The following TSPAN11 variants were observed in gnomAD, a reference collection of about 807,000 sequenced individuals.
TSPAN11 encodes the protein tetraspanin 11.
Under a neutral mutation model 32.9 loss-of-function variants are expected in TSPAN11, and 29 were observed. The observed-to-expected ratio is 0.88, with a 90% CI of 0.66 to 1.20. The LOEUF is 1.20. TSPAN11 is among the 50% of genes most tolerant of loss of function. The pLI is 0.00. For missense variants in TSPAN11, 283 were observed against 329.1 expected (o/e 0.86, Z 1.08); for synonymous variants, 140 against 141.3 (o/e 0.99, Z 0.07).
At chr12:31,015,800 ATTTG>A in the TSPAN11 span, 1 of 152,122 alleles carries the variant, frequency 6.6e-6, no homozygotes, top group East Asian at 1.9e-4. The surrounding 1 kb of genome is among the most constrained non-coding windows in gnomAD (Gnocchi z 4.9). Context: ...AACCCCCATT[ATTTG>A]TTTGACAGGC....
intron 3 of TSPAN11, among the ~76,000 whole-genome samples, chr12:30,970,113 A>G (rs995043558): frequency 6.6e-6 from 1 of 152,204 alleles, no homozygotes; most frequent in Non-Finnish European, 1.5e-5. Context: ...AGCCAATGGG[A>G]AAGTCTGGGT....
intron 3 of TSPAN11, among the ~76,000 whole-genome samples, chr12:30,972,038 C>G (rs1337405847): frequency 6.6e-6 from 1 of 152,204 alleles, no homozygotes; most frequent in African/African-American, 2.4e-5. Flanking sequence ...ACACACTGCT[C>G]CAGCTTGGCA....
At chr12:31,008,865 G>A in the TSPAN11 span, among the ~76,000 whole-genome samples, 12 of 152,166 alleles carry the variant, frequency 7.9e-5, no homozygotes, top group Non-Finnish European at 1.5e-4. Flanking sequence ...TTCCCTGTGC[G>A]CCATTCGACC....
downstream of TSPAN11, chr12:30,997,571 C>T (rs1244035150): frequency 6.6e-6 from 1 of 152,276 alleles, no homozygotes; most frequent in African/African-American, 2.4e-5. Flanking sequence ...AACCAGATCT[C>T]ATGAGAACTC....
downstream of TSPAN11, among the ~76,000 whole-genome samples, chr12:31,001,050 G>T (rs986299747): frequency 6.6e-6 from 1 of 152,150 alleles, no homozygotes; most frequent in Non-Finnish European, 1.5e-5. Context: ...TCTTCCTGCA[G>T]CCTCCCCTGT....
intron 1 of TSPAN11, among the ~76,000 whole-genome samples, chr12:30,932,310 C>T (rs1403374762): frequency 6.6e-6 from 1 of 151,878 alleles, no homozygotes; most frequent in Non-Finnish European, 1.5e-5. Context: ...ACTGTTCATC[C>T]TTATATTGTG....
intron 1 of TSPAN11, chr12:30,927,056 T>C: frequency 7.9e-7 from 1 of 1,268,790 alleles, no homozygotes; most frequent in Admixed American, 2.4e-5. Flanking sequence ...ACTATGCGCA[T>C]GAGTCTGCCT....
intron 3 of TSPAN11, among the ~76,000 whole-genome samples, chr12:30,966,521 C>T (rs945136573): frequency 3.2e-4 from 49 of 152,252 alleles, no homozygotes; most frequent in African/African-American, 1.2e-3. Context: ...GTCATATTCA[C>T]CCCCATTTTC....
the TSPAN11 span, among the ~76,000 whole-genome samples, chr12:31,004,191 C>T: frequency 1.3e-5 from 2 of 152,202 alleles, no homozygotes; most frequent in Admixed American, 1.3e-4. Context: ...TTGACTTTTT[C>T]ATAACTGCAA....
chr12:30,989,698 A>C (rs1939272392), intron 7 of TSPAN11, among the ~76,000 whole-genome samples: 1 of 152,214 alleles, frequency 6.6e-6, no homozygotes, highest in African/African-American at 2.4e-5. Context: ...AACACAAGAC[A>C]GTCAAGACTG....
chr12:30,946,630 G>A (rs1254751634), intron 1 of TSPAN11, among the ~76,000 whole-genome samples: 3 of 152,232 alleles, frequency 2.0e-5, no homozygotes, highest in African/African-American at 7.2e-5. Flanking sequence ...GATCTGGGAA[G>A]GTGGGGACAG....
At chr12:31,004,948 C>T in the TSPAN11 span, among the ~76,000 whole-genome samples, 1 of 152,224 alleles carries the variant, frequency 6.6e-6, no homozygotes, top group Non-Finnish European at 1.5e-5. Flanking sequence ...CTCCTTCCCA[C>T]TCCTCTCTCC....
chr12:30,942,244 C>A (rs965236944), intron 1 of TSPAN11, among the ~76,000 whole-genome samples: 2 of 152,232 alleles, frequency 1.3e-5, no homozygotes, highest in African/African-American at 4.8e-5. Flanking sequence ...GAAGTGCATA[C>A]TGTTCTTACA....
At chr12:30,947,386 T>C (rs1424782706) in intron 1 of TSPAN11, among the ~76,000 whole-genome samples, 1 of 152,176 alleles carries the variant, frequency 6.6e-6, no homozygotes, top group Non-Finnish European at 1.5e-5. Context: ...CCAGCCTCCC[T>C]TCCTTACAAC....
At chr12:30,967,405 T>G (rs562713902) in intron 3 of TSPAN11, among the ~76,000 whole-genome samples, 1 of 152,248 alleles carries the variant, frequency 6.6e-6, no homozygotes. Context: ...CCTACCCTTC[T>G]GCACTTCGGG....
intron 1 of TSPAN11, among the ~76,000 whole-genome samples, chr12:30,928,401 C>T (rs1239518289): frequency 6.6e-6 from 1 of 152,180 alleles, no homozygotes; most frequent in East Asian, 1.9e-4. Context: ...GGGTGTCCAC[C>T]ACCAAGTTCT....
At position 30,944,355 on chromosome 12, in the gene TSPAN11, G is replaced by A. The variant is rs575913718; in HGVS notation, c.-11-9626G>A. Reference sequence around the variant, plus strand: ...CTTATTCCTCTTGTCTAAAAATTCTGTACCCTTTGACCATCATCTCCCTAA... The same window carrying A: ...CTTATTCCTCTTGTCTAAAAATTCTATACCCTTTGACCATCATCTCCCTAA... On this transcript the variant is annotated intron_variant, in intron 1 of 7. Transcript: ENST00000546076. 3.5e-4 allele frequency among the ~76,000 whole-genome samples: 53 copies of A among 152,154 alleles called. No homozygotes were observed. The South Asian group carries it at 0.011, about 31-fold the overall frequency.
chr12:30,959,625 C>T (rs1280401379), intron 2 of TSPAN11, among the ~76,000 whole-genome samples: 4 of 150,872 alleles, frequency 2.7e-5, no homozygotes, highest in Admixed American at 2.6e-4. Context: ...AAAAAAAATA[C>T]AAAAATTAGC....
intron 1 of TSPAN11, among the ~76,000 whole-genome samples, chr12:30,949,712 C>T (rs1938343639): frequency 1.3e-5 from 2 of 152,268 alleles, no homozygotes; most frequent in East Asian, 1.9e-4. Flanking sequence ...TAGCTGCTTC[C>T]CTCCTGGCCT....
Sources: gnomAD v4.1 joint callset for allele counts (sites outside exome capture counted in the v4.1 genomes callset) on GRCh38, gnomAD v4.1.1 for gene constraint, Gnocchi (gnomAD v3.1) non-coding constraint, MANE v1.5 for transcripts, NCBI Gene and HGNC (gene_info 2026-07-23, HGNC 2026-07-21) for gene names.